MYBL2: variants seen among roughly 807,000 people sequenced by gnomAD.
MYBL2 encodes MYB proto-oncogene like 2, also known as myb-related protein B.
Under a neutral mutation model 79.9 loss-of-function variants are expected in MYBL2, and 28 were observed. That is an observed-to-expected ratio of 0.35 (90% CI 0.26 to 0.48). MYBL2 has a LOEUF of 0.48. MYBL2 is among the 20% of genes least tolerant of loss of function. The pLI is 0.99. For synonymous variants in MYBL2, 378 were observed against 361.2 expected, an observed-to-expected ratio of 1.05 and a Z score of -0.53; for missense variants, 735 against 893.9, an observed-to-expected ratio of 0.82 and a Z score of 2.27.
rs767742276 is a variant in MYBL2 at position 43,705,317 on chromosome 20, A to G, written c.1464A>G (p.Pro488=). 5.6e-6 allele frequency: 9 copies of G among 1,613,726 alleles called. No individual in the cohort carries two copies. The highest frequency in any genetic ancestry group is 1.1e-5 in the South Asian group (1 of 90,976). Residue 488 remains proline, a synonymous_variant, in exon 9 of 14, where the codon CCA becomes CCG. Coordinates refer to ENST00000217026, the MANE Select transcript of MYBL2 (RefSeq NM_002466.4). ...VCSQKVVVTT[P]LHRDKTPLHQ... ...GCCAGAAGGTGGTGGTCACCACACC[A>G]CTGCACCGGGACAAGACACCCCTGC...
chr20:43,689,443 C>G (rs1031310148), intron 5 of MYBL2, among the ~76,000 whole-genome samples: 2 of 152,206 alleles, frequency 1.3e-5, no homozygotes, highest in Admixed American at 1.3e-4. Context: ...CTTGTGCTTA[C>G]TCGGTGTTAG....
chr20:43,674,820 C>T (rs747938690), intron 2 of MYBL2, among the ~76,000 whole-genome samples: 20 of 152,156 alleles, frequency 1.3e-4, no homozygotes, highest in Non-Finnish European at 2.5e-4. Context: ...GCATGAGTAA[C>T]CGCACCCTGC....
At chr20:43,707,560 T>G (rs1410042948) in intron 9 of MYBL2, among the ~76,000 whole-genome samples, 1 of 152,162 alleles carries the variant, frequency 6.6e-6, no homozygotes, top group Non-Finnish European at 1.5e-5. Flanking sequence ...TTTTTGCTAA[T>G]TTTTCTATTT....
chr20:43,673,524 C>T (rs1183517949), intron 1 of MYBL2: 14 of 451,680 alleles, frequency 3.1e-5, no homozygotes, highest in Non-Finnish European at 4.7e-5. Flanking sequence ...GTAGTCACAG[C>T]TACTTAGGAG....
chr20:43,695,366 T>A (rs1045598498), intron 6 of MYBL2, among the ~76,000 whole-genome samples: 1 of 152,164 alleles, frequency 6.6e-6, no homozygotes, highest in Non-Finnish European at 1.5e-5. Context: ...CTTACCCGTG[T>A]CTCTCCAATG....
Position 43,705,444 on chromosome 20 carries a change from G to C in MYBL2, c.1505+86G>C, listed in dbSNP as rs966323555. The C allele has an allele frequency of 6.3e-6, 9 of 1,433,006 alleles. No individual in the cohort carries two copies. The African/African-American group carries it at 1.2e-4, about 18-fold the overall frequency. The allele number at this position is 1,433,006 out of a possible 1,614,324, so 88.8% of individuals were successfully genotyped here. On this transcript the variant is annotated intron_variant, in intron 9 of 13. Transcript: ENST00000217026. ...GCCTTGGGACCACTGGTGGAACAGTGGGGAGGGGGCACCCTTGGAATAACA... is the reference window on the plus strand; with the variant it reads ...GCCTTGGGACCACTGGTGGAACAGTCGGGAGGGGGCACCCTTGGAATAACA...
intron 3 of MYBL2, 128 bp from the exon 4 acceptor site, chr20:43,682,666 A>G: frequency 1.3e-6 from 1 of 786,708 alleles, no homozygotes. Context: ...TGCATGGAAC[A>G]GGACACACCT....
chr20:43,677,961 G>A (rs1191297356), intron 2 of MYBL2, among the ~76,000 whole-genome samples: 1 of 152,240 alleles, frequency 6.6e-6, no homozygotes, highest in Admixed American at 6.5e-5. Context: ...TCTGTACTAA[G>A]AAAAATTCTT....
At chr20:43,673,246 C>CTT (rs3091633) in intron 1 of MYBL2, among the ~76,000 whole-genome samples, 67 of 145,116 alleles carry the variant, frequency 4.6e-4, no homozygotes, top group South Asian at 8.7e-4. Flanking sequence ...TGCCTGGCCT[C>CTT]TTTTTTTTTT....
intron 11 of MYBL2, among the ~76,000 whole-genome samples, chr20:43,712,214 T>C (rs901058239): frequency 1.3e-5 from 2 of 152,146 alleles, no homozygotes; most frequent in African/African-American, 4.8e-5. Context: ...TTAGCTTTCA[T>C]GACAGTGCGC....
chr20:43,681,663 T>C (rs1987145654), intron 2 of MYBL2, 121 bp from the exon 3 acceptor site: 4 of 991,344 alleles, frequency 4.0e-6, no homozygotes. Flanking sequence ...ACCTTGTACG[T>C]ATTCACTTCA....
intron 6 of MYBL2, among the ~76,000 whole-genome samples, chr20:43,694,249 G>A (rs760535797): frequency 3.3e-5 from 5 of 151,122 alleles, no homozygotes; most frequent in Non-Finnish European, 5.9e-5. Context: ...GGAGAATGGC[G>A]TGAACCCGGG....
chr20:43,683,006 T>C, intron 4 of MYBL2, 120 bp downstream of exon 4: 1 of 908,778 alleles, frequency 1.1e-6, no homozygotes, highest in South Asian at 1.4e-5. Flanking sequence ...GTGTGAGTTG[T>C]CTACCAGCCA....
chr20:43,682,992 T>C (rs1477357828), intron 4 of MYBL2, 106 bp downstream of exon 4: 1 of 1,072,020 alleles, frequency 9.3e-7, no homozygotes, highest in Non-Finnish European at 1.4e-6. Flanking sequence ...AAGCTGAGCA[T>C]TGGGTGTGAG....
chr20:43,705,944 C>T lies in MYBL2; in HGVS notation c.1505+586C>T, dbSNP rs1987772874. Among the ~76,000 whole-genome samples, 3 of 152,134 alleles carry T rather than the reference C, an allele frequency of 2.0e-5. No individual in the cohort carries two copies. In the South Asian group the frequency reaches 6.2e-4, roughly 32 times the overall value. ...GTCGATCTCCTGACCTCGTGATCCT[C>T]CTGCCTCAGCCTCCCAAAATGCTGG... On this transcript the variant is annotated intron_variant, in intron 9 of 13. Coordinates refer to ENST00000217026, the MANE Select transcript of MYBL2 (RefSeq NM_002466.4).
chr20:43,673,048 A>G (rs1001908557), intron 1 of MYBL2, among the ~76,000 whole-genome samples: 2 of 151,986 alleles, frequency 1.3e-5, no homozygotes, highest in Non-Finnish European at 2.9e-5. Context: ...GGTTCAAGCA[A>G]TTCTTCTGCC....
intron 8 of MYBL2, among the ~76,000 whole-genome samples, chr20:43,704,334 G>A (rs1006951881): frequency 6.6e-6 from 1 of 152,058 alleles, no homozygotes; most frequent in African/African-American, 2.4e-5. Flanking sequence ...CACTTTAAAG[G>A]CCCTATCTCC....
chr20:43,707,101 G>A (rs545849722), intron 9 of MYBL2, among the ~76,000 whole-genome samples: 16 of 151,588 alleles, frequency 1.1e-4, no homozygotes, highest in Non-Finnish European at 2.2e-4. Context: ...GATTGCTTGA[G>A]CCCAGGAGTT....
At position 43,702,539 on chromosome 20, in the gene MYBL2, C is replaced by T. The variant is rs1223069277; in HGVS notation, c.1001C>T (p.Pro334Leu). 1.9e-6 allele frequency: 3 copies of T among 1,613,068 alleles called. No individual in the cohort carries two copies. Among genetic ancestry groups the T allele is most frequent in the Non-Finnish European group, 2.5e-6 (3 of 1,179,146 alleles). Residue 334 changes from proline (P) to leucine (L), a missense_variant, in exon 8 of 14, where the codon CCA becomes CTA. Pro to Leu is a moderately conservative substitution (Grantham distance 98, BLOSUM62 -3). Around this residue, in one of 5 missense-constraint regions of MYBL2, gnomAD observed 243 missense variants for 327.2 expected, o/e 0.74. Transcript: ENST00000217026. ...DLSKFDLPEE[P>L]SAEDSINNSL... ...AGTAAATTTGACCTCCCTGAGGAAC[C>T]ATCTGCAGAGGACAGTATCAACAAC... is the stretch of plus-strand genomic sequence containing the variant.
Sources: allele counts gnomAD v4.1 joint callset (sites outside exome capture counted in the v4.1 genomes callset), GRCh38; gene constraint gnomAD v4.1.1; regional missense constraint gnomAD v4.1.1; transcripts MANE v1.5; gene names NCBI Gene and HGNC (gene_info 2026-07-23, HGNC 2026-07-21).